The following OTULIN variants were observed in gnomAD, a reference collection of about 807,000 sequenced individuals.
The protein encoded by OTULIN is ubiquitin thioesterase otulin.
In OTULIN, 15 loss-of-function variants were observed where a neutral mutation model predicts 39.6. The observed-to-expected ratio is 0.38, with a 90% CI of 0.25 to 0.58. The LOEUF is 0.58. Among genes scored for constraint, OTULIN ranks in the 20% least tolerant of loss-of-function variants. OTULIN has a pLI of 0.66. For missense variants in OTULIN, 319 were observed against 445.9 expected (o/e 0.72, Z 2.56); for synonymous variants, 156 against 170.3 (o/e 0.92, Z 0.65).
the OTULIN span, among the ~76,000 whole-genome samples, chr5:14,711,604 G>T: frequency 2.0e-5 from 3 of 152,108 alleles, no homozygotes; most frequent in Non-Finnish European, 1.5e-5. Context: ...TTCCAATGAG[G>T]GCTGCGCTCT....
chr5:14,665,445 C>T (rs966082103), intron 1 of OTULIN, among the ~76,000 whole-genome samples: 11 of 152,198 alleles, frequency 7.2e-5, no homozygotes, highest in African/African-American at 2.7e-4. Context: ...CTGACCCATT[C>T]TCTCTGACCC....
chr5:14,684,083 A>G (rs749500740), intron 4 of OTULIN, among the ~76,000 whole-genome samples: 1 of 152,040 alleles, frequency 6.6e-6, no homozygotes, highest in Admixed American at 6.5e-5. Context: ...TTCCTTTTCT[A>G]TGTGTATCAG....
chr5:14,701,077 C>T (rs1168071216), downstream of OTULIN, among the ~76,000 whole-genome samples: 3 of 152,210 alleles, frequency 2.0e-5, no homozygotes, highest in African/African-American at 7.2e-5. Context: ...TGTCGGCCGC[C>T]CTTCCTGGGC....
intron 1 of OTULIN, among the ~76,000 whole-genome samples, chr5:14,665,884 C>G (rs1461632420): frequency 1.3e-5 from 2 of 152,140 alleles, no homozygotes; most frequent in African/African-American, 4.8e-5. Flanking sequence ...TTGTTGAGAG[C>G]CCCCTTGGGA....
chr5:14,686,443 G>A (rs1736390314), intron 4 of OTULIN, among the ~76,000 whole-genome samples: 1 of 152,058 alleles, frequency 6.6e-6, no homozygotes, highest in African/African-American at 2.4e-5. Flanking sequence ...TGGGAATACA[G>A]GTACATGCCA....
chr5:14,672,935 A>G (rs10475019), intron 1 of OTULIN, among the ~76,000 whole-genome samples: 3,740 of 152,278 alleles, frequency 0.025, 139 homozygotes, highest in African/African-American at 0.085. Flanking sequence ...CAGAAGTCCC[A>G]TTCTTCATCT....
chr5:14,670,961 G>T (rs1221515017), intron 1 of OTULIN, among the ~76,000 whole-genome samples: 1 of 152,166 alleles, frequency 6.6e-6, no homozygotes, highest in Non-Finnish European at 1.5e-5. Context: ...AAATTCAGTT[G>T]TGGTTAAAGC....
intron 4 of OTULIN, among the ~76,000 whole-genome samples, chr5:14,686,783 G>C (rs1429758671): frequency 6.6e-6 from 1 of 152,074 alleles, no homozygotes; most frequent in Non-Finnish European, 1.5e-5. Context: ...TGCAGATTGT[G>C]TTGATAACTA....
At chr5:14,683,410 G>A (rs1318683570) in intron 4 of OTULIN, among the ~76,000 whole-genome samples, 1 of 152,212 alleles carries the variant, frequency 6.6e-6, no homozygotes, top group Non-Finnish European at 1.5e-5. Context: ...TTTTGTAAAT[G>A]ATGCCATTTA....
intron 5 of OTULIN, chr5:14,687,975 A>C (rs1186772295): frequency 6.0e-6 from 1 of 166,276 alleles, no homozygotes; most frequent in African/African-American, 2.4e-5. Context: ...CCTATTTCTT[A>C]TATCATTAGT....
the OTULIN span, chr5:14,712,896 G>A: frequency 4.2e-5 from 67 of 1,612,012 alleles, no homozygotes; most frequent in African/African-American, 9.3e-5. Flanking sequence ...GACATAGCAC[G>A]CAGCGATGGC....
At chr5:14,682,105 T>TC (rs1053456146) in intron 4 of OTULIN, among the ~76,000 whole-genome samples, 10 of 152,234 alleles carry the variant, frequency 6.6e-5, no homozygotes, top group African/African-American at 2.4e-4. Flanking sequence ...ACTCAGCCTG[T>TC]CCCAGGCCTG....
downstream of OTULIN, among the ~76,000 whole-genome samples, chr5:14,703,774 C>T (rs571046516): frequency 6.9e-4 from 105 of 152,158 alleles, no homozygotes; most frequent in Middle Eastern, 3.4e-3. Flanking sequence ...GCACTGTGGC[C>T]GGGAGCACAG....
At chr5:14,675,590 C>G (rs900028449) in intron 2 of OTULIN, among the ~76,000 whole-genome samples, 7 of 152,170 alleles carry the variant, frequency 4.6e-5, no homozygotes, top group Non-Finnish European at 8.8e-5. Flanking sequence ...GTGTTTGTTA[C>G]CGCTGACAGT....
At chr5:14,676,038 C>T (rs963272018) in intron 2 of OTULIN, among the ~76,000 whole-genome samples, 1 of 152,190 alleles carries the variant, frequency 6.6e-6, no homozygotes. Context: ...AACTTATTTC[C>T]TGTCTGGCCC....
chr5:14,680,810 G>C (rs1484573352), intron 3 of OTULIN, among the ~76,000 whole-genome samples: 3 of 152,206 alleles, frequency 2.0e-5, no homozygotes, highest in African/African-American at 7.2e-5. Context: ...TGTAATCCCT[G>C]CACTTTGGGA....
In OTULIN at chr5:14,664,959, T is replaced by A; in HGVS notation, c.134T>A (p.Met45Lys). The change falls in exon 1 of 7, where the codon ATG (methionine) becomes AAG (lysine). Residue 45 changes from methionine (M) to lysine (K), a missense_variant. By Grantham distance (95) the Met-to-Lys change is moderately conservative. Coordinates refer to ENST00000284274, the MANE Select transcript of OTULIN (RefSeq NM_138348.6). ...GCCAGCGGGCAGCCGCGGCCCGAGATGCAGTGCCCGGCCGAGCAGTGAGTC... is the reference window on the plus strand; with the variant it reads ...GCCAGCGGGCAGCCGCGGCCCGAGAAGCAGTGCCCGGCCGAGCAGTGAGTC... ...AAASGQPRPE[M>K]QCPAEHEEDM... 1.8e-6 allele frequency: 2 copies of A among 1,101,004 alleles called. No individual in the cohort carries two copies. Among genetic ancestry groups the A allele is most frequent in the African/African-American group, 3.3e-5 (2 of 60,264 alleles). 68.2% of individuals were successfully genotyped at this position (1,101,004 alleles called of 1,614,324 possible). A position where few individuals can be genotyped will look rare whatever the true frequency, so the allele number is the denominator to read the frequency against.
chr5:14,704,513 A>C (rs1736883648), downstream of OTULIN, among the ~76,000 whole-genome samples: 1 of 152,108 alleles, frequency 6.6e-6, no homozygotes, highest in South Asian at 2.1e-4. Flanking sequence ...GAAGTTGGAG[A>C]GGGTTCAGAG....
rs6879028 is a variant in OTULIN at position 14,678,907 on chromosome 5, A to G, written c.324+132A>G. The stretch of plus-strand genomic sequence containing the variant: ...ACGTTGTTATTGGTGTTCTAATTTT[A>G]GAGTTAAGGAAATAGACTCCAAAGA... On this transcript the variant is annotated intron_variant, in intron 3 of 6. Transcript: ENST00000284274. 1,945 of 527,658 alleles carry G rather than the reference A, an allele frequency of 3.7e-3. 33 individuals carry two copies. Among genetic ancestry groups the G allele is most frequent in the African/African-American group, 0.035 (1,743 of 50,498 alleles). 32.7% of individuals were successfully genotyped at this position (527,658 alleles called of 1,614,324 possible). A position where few individuals can be genotyped will look rare whatever the true frequency, so the allele number is the denominator to read the frequency against.
Sources: gnomAD v4.1 joint callset for allele counts (sites outside exome capture counted in the v4.1 genomes callset) on GRCh38, gnomAD v4.1.1 for gene constraint, MANE v1.5 for transcripts, NCBI Gene and HGNC (gene_info 2026-07-23, HGNC 2026-07-21) for gene names.